PSG6: variants seen among roughly 807,000 people sequenced by gnomAD.
PSG6 encodes pregnancy specific beta-1-glycoprotein 6.
PSG6 carries 51 observed loss-of-function variants against 43.3 expected under a neutral mutation model. That is an observed-to-expected ratio of 1.18 (90% CI 0.94 to 1.49). The LOEUF is 1.49. Ranked by LOEUF, PSG6 falls within the 40% of genes most tolerant of loss-of-function variation. PSG6 has a pLI of 0.00. For synonymous variants in PSG6, 292 were observed against 197.6 expected (o/e 1.48, Z -4.01); for missense variants, 770 against 522.2 (o/e 1.47, Z -4.62).
At chr19:42,916,055 C>A in intron 2 of PSG6, 70 bp downstream of exon 2, 1 of 1,598,666 alleles carries the variant, frequency 6.3e-7, no homozygotes, top group Non-Finnish European at 8.5e-7. Context: ...CCAGGCCTGA[C>A]AATTCTGTGT....
intron 2 of PSG6, among the ~76,000 whole-genome samples, chr19:42,912,001 G>A (rs1230188466): frequency 2.0e-5 from 3 of 151,612 alleles, no homozygotes; most frequent in African/African-American, 4.8e-5. Flanking sequence ...TATACTTCAT[G>A]CAGATACAGT....
intron 2 of PSG6, among the ~76,000 whole-genome samples, chr19:42,911,080 G>T (rs1231449160): frequency 1.3e-5 from 2 of 151,540 alleles, no homozygotes; most frequent in African/African-American, 4.8e-5. Flanking sequence ...TCTCAAATGT[G>T]AATTGAGCAG....
chr19:42,914,711 A>T (rs1286997253), intron 2 of PSG6, among the ~76,000 whole-genome samples: 1 of 151,474 alleles, frequency 6.6e-6, no homozygotes, highest in Non-Finnish European at 1.5e-5. Flanking sequence ...GTCTCTAAAG[A>T]GGTTTTGGAT....
chr19:42,910,579 C>A lies in PSG6; in HGVS notation c.706+1G>T, dbSNP rs149746924. The A allele has an allele frequency of 1.2e-6, 2 of 1,612,468 alleles. No individual in the cohort carries two copies. Among genetic ancestry groups the A allele is most frequent in the African/African-American group, 1.3e-5 (1 of 74,876 alleles). ...CTCACAGAGGAACAGAAGATACTCA[C>A]GGAGGAGATTCAGGGTGACTGGGTC... On this transcript the variant is annotated splice_donor_variant, in intron 3 of 5. Transcript: ENST00000187910. LOFTEE classifies it high-confidence loss of function.
chr19:42,907,367 G>C (rs1568442651), intron 4 of PSG6, among the ~76,000 whole-genome samples, 191 bp from the exon 5 acceptor site: 1 of 151,898 alleles, frequency 6.6e-6, no homozygotes, highest in Admixed American at 6.6e-5. Flanking sequence ...TGGGCCCCTA[G>C]TGTCCCATGA....
In PSG6 at chr19:42,902,207, A is replaced by G. The variant is rs1972045437; in HGVS notation, c.*205T>C. 5 of 631,498 alleles carry G rather than the reference A, an allele frequency of 7.9e-6. No individual in the cohort carries two copies. The highest frequency in any genetic ancestry group is 1.0e-5 in the Non-Finnish European group (4 of 384,366). The allele number at this position is 631,498 out of a possible 1,614,324, so 39.1% of individuals were successfully genotyped here. A position where few individuals can be genotyped will look rare whatever the true frequency, so the allele number is the denominator to read the frequency against. ...TTTCAATTTTTGTTTACAAAAGTAT[A>G]CTTTACCAATTGCTGAAGAAAAAAA... On this transcript the variant is annotated 3_prime_UTR_variant, in exon 6 of 6. Transcript: ENST00000187910.
chr19:42,913,768 C>A (rs796097404), intron 2 of PSG6, among the ~76,000 whole-genome samples: 11 of 151,788 alleles, frequency 7.2e-5, no homozygotes, highest in African/African-American at 1.7e-4. Context: ...CATACCTATG[C>A]CTAATGGCTC....
rs114424755 is a variant in PSG6 at position 42,917,149 on chromosome 19, G to A, written c.64+580C>T. On this transcript the variant is annotated intron_variant, in intron 1 of 5. Coordinates refer to ENST00000187910, the MANE Select transcript of PSG6 (RefSeq NM_001031850.4). ...TGCCCTGGTTACATTTTTATTTGAG[G>A]TGTCATCTGATATAGTCATTATTAT... is the stretch of plus-strand genomic sequence containing the variant. Among the ~76,000 whole-genome samples the A allele has an allele frequency of 5.9e-3, 899 of 151,140 alleles. 21 individuals carry two copies. Among genetic ancestry groups the A allele is most frequent in the African/African-American group, 0.021 (873 of 41,176 alleles).
intron 5 of PSG6, among the ~76,000 whole-genome samples, chr19:42,902,757 A>T (rs1312061668): frequency 6.6e-6 from 1 of 151,446 alleles, no homozygotes; most frequent in East Asian, 1.9e-4. Flanking sequence ...TTCCCTGATA[A>T]ATTATCTTGT....
intron 3 of PSG6, among the ~76,000 whole-genome samples, chr19:42,909,244 G>T (rs183146808): frequency 2.0e-5 from 3 of 151,338 alleles, no homozygotes; most frequent in Admixed American, 6.6e-5. Context: ...TTGGTGATTA[G>T]TTTTCGGTGA....
In PSG6 at chr19:42,907,749, A is replaced by C. The variant is rs774746293; in HGVS notation, c.812T>G (p.Ile271Ser). The C allele has an allele frequency of 2.5e-6, 4 of 1,610,808 alleles. No individual in the cohort carries two copies. The highest frequency in any genetic ancestry group is 3.4e-6 in the Non-Finnish European group (4 of 1,179,090). The change falls in exon 4 of 6, where the codon ATT (isoleucine) becomes AGT (serine). Residue 271 changes from isoleucine (I) to serine (S), a missense_variant. Ile to Ser is a moderately radical substitution (Grantham distance 142). Transcript: ENST00000187910. The part of the protein sequence containing the change: ...CEPKSRNYTY[I>S]WWLNGQSLPV... ...GAGGCTCTGACCATTTAGCCACCAA[A>C]TGTAGGTGTAGTTCCGACTCTTAGG...
In PSG6 at chr19:42,905,833, T is replaced by C. The variant is rs148764879; in HGVS notation, c.1240+1089A>G. On this transcript the variant is annotated intron_variant, in intron 5 of 5. Transcript: ENST00000187910. ...AAGCCAGACACAAAAGGATAATTAT[T>C]ATATAATTCCATTTATAAAAGATAG... 8.3e-3 allele frequency among the ~76,000 whole-genome samples: 1,263 copies of C among 151,786 alleles called. 38 individuals carry two copies. The highest frequency in any genetic ancestry group is 0.029 in the African/African-American group (1,217 of 41,396).
chr19:42,910,258 AC>A, intron 3 of PSG6: 2 of 543,722 alleles, frequency 3.7e-6, no homozygotes, highest in Non-Finnish European at 6.5e-6. Flanking sequence ...AGTCACAGTG[AC>A]CCTGTGAGCC....
chr19:42,902,678 C>T lies in PSG6; in HGVS notation c.1241-232G>A, dbSNP rs377146059. On this transcript the variant is annotated intron_variant, in intron 5 of 5. Coordinates refer to ENST00000187910, the MANE Select transcript of PSG6 (RefSeq NM_001031850.4). ...TCTCTTTCTTTTTCACAGGAATCAGCTCTGCATAGCGGTCTGTGGGTTCTC... is the reference window on the plus strand; with the variant it reads ...TCTCTTTCTTTTTCACAGGAATCAGTTCTGCATAGCGGTCTGTGGGTTCTC... Among the ~76,000 whole-genome samples, 13 of 151,674 alleles carry T rather than the reference C, an allele frequency of 8.6e-5. No individual in the cohort carries two copies. The South Asian group carries it at 2.3e-3, about 27-fold the overall frequency.
At chr19:42,911,602 C>T (rs1185326365) in intron 2 of PSG6, among the ~76,000 whole-genome samples, 1 of 151,722 alleles carries the variant, frequency 6.6e-6, no homozygotes, top group African/African-American at 2.4e-5. Context: ...ATGATGCTCC[C>T]TTCCCCCTGT....
intron 4 of PSG6, 26 bp from the exon 5 acceptor site, chr19:42,907,202 G>C (rs1229636432): frequency 2.5e-6 from 4 of 1,603,796 alleles, no homozygotes; most frequent in Admixed American, 1.7e-5. Context: ...TAAAGCCACA[G>C]GTGATGTCAT....
rs766597376 is a variant in PSG6 at position 42,910,565 on chromosome 19, A to T, written c.706+15T>A. On this transcript the variant is annotated intron_variant, in intron 3 of 5. Coordinates refer to ENST00000187910, the MANE Select transcript of PSG6 (RefSeq NM_001031850.4). ...GGATGGCAGCCTGGCTCACAGAGGA[A>T]CAGAAGATACTCACGGAGGAGATTC... is the stretch of plus-strand genomic sequence containing the variant. 1.9e-5 allele frequency: 30 copies of T among 1,612,548 alleles called. No individual in the cohort carries two copies. Among genetic ancestry groups the T allele is most frequent in the Non-Finnish European group, 2.5e-5 (30 of 1,179,266 alleles).
Position 42,907,615 on chromosome 19 carries a change from C to T in PSG6, c.946G>A (p.Gly316Ser), listed in dbSNP as rs76740241. 6.9e-3 allele frequency: 11,087 copies of T among 1,611,938 alleles called. 751 individuals carry two copies. The East Asian group carries it at 0.12, about 18-fold the overall frequency. ...GTGACTGGGTTACTGCGGATGCCACCATATCGGTCCCGTATTTCACATTGA... is the reference window on the plus strand; with the variant it reads ...GTGACTGGGTTACTGCGGATGCCACTATATCGGTCCCGTATTTCACATTGA... ...PYQCEIRDRY[G>S]GIRSNPVTLN... Residue 316 changes from glycine (G) to serine (S), a missense_variant, in exon 4 of 6, where the codon GGT becomes AGT. Coordinates refer to ENST00000187910, the MANE Select transcript of PSG6 (RefSeq NM_001031850.4).
In PSG6 at chr19:42,916,645, T is replaced by G. The variant is rs8101197; in HGVS notation, c.65-158A>C. Among the ~76,000 whole-genome samples, 394 of 150,894 alleles carry G rather than the reference T, an allele frequency of 2.6e-3. 9 individuals are homozygous for G. Among genetic ancestry groups the G allele is most frequent in the African/African-American group, 7.9e-3 (326 of 41,136 alleles). On this transcript the variant is annotated intron_variant, in intron 1 of 5. Transcript: ENST00000187910. ...ACACACAAAAGGGCATGTGTGTTTGTGTGTGTGTATGTGTGTGTGTCCTAC... is the reference window on the plus strand; with the variant it reads ...ACACACAAAAGGGCATGTGTGTTTGGGTGTGTGTATGTGTGTGTGTCCTAC...
Sources: allele counts gnomAD v4.1 joint callset (sites outside exome capture counted in the v4.1 genomes callset), GRCh38; gene constraint gnomAD v4.1.1; transcripts MANE v1.5; gene names NCBI Gene and HGNC (gene_info 2026-07-23, HGNC 2026-07-21).